PSMF1: variants seen among roughly 807,000 people sequenced by gnomAD.
PSMF1 encodes proteasome inhibitor subunit 1.
PSMF1 carries 30 observed loss-of-function variants against 29.3 expected under a neutral mutation model. The observed-to-expected ratio is 1.02, with a 90% CI of 0.77 to 1.39. The LOEUF is 1.39. PSMF1 is among the 40% of genes most tolerant of loss of function. PSMF1 has a pLI of 0.00. For synonymous variants in PSMF1, 134 were observed against 139.7 expected (o/e 0.96, Z 0.29); for missense variants, 344 against 357.5 (o/e 0.96, Z 0.31).
intron 4 of PSMF1, among the ~76,000 whole-genome samples, chr20:1,155,956 C>G (rs548140852): frequency 4.6e-5 from 7 of 152,228 alleles, no homozygotes; most frequent in African/African-American, 1.7e-4. Context: ...ATTAAGATGA[C>G]ACAGATGTTG....
chr20:1,157,236 C>T (rs908650502), intron 4 of PSMF1, among the ~76,000 whole-genome samples: 7 of 152,172 alleles, frequency 4.6e-5, no homozygotes, highest in Non-Finnish European at 7.3e-5. Flanking sequence ...AGCCCACTGA[C>T]TCAAATGTTC....
chr20:1,125,361 TG>T, intron 1 of PSMF1, 136 bp from the exon 2 acceptor site: 2 of 928,740 alleles, frequency 2.2e-6, no homozygotes, highest in Non-Finnish European at 3.1e-6. Context: ...TGTAGGATCT[TG>T]GGCAAGTCAT....
intron 4 of PSMF1, among the ~76,000 whole-genome samples, chr20:1,145,377 A>G (rs552597688): frequency 5.3e-5 from 8 of 152,256 alleles, no homozygotes; most frequent in African/African-American, 1.7e-4. Context: ...GGGATGAGCA[A>G]TGGACTGGGA....
At chr20:1,139,456 T>C (rs2086352424) in intron 4 of PSMF1, among the ~76,000 whole-genome samples, 2 of 152,190 alleles carry the variant, frequency 1.3e-5, no homozygotes. Flanking sequence ...TATTTGTCAA[T>C]GACGTGATAT....
chr20:1,157,457 T>C (rs2086607842), intron 4 of PSMF1, among the ~76,000 whole-genome samples: 1 of 152,178 alleles, frequency 6.6e-6, no homozygotes, highest in African/African-American at 2.4e-5. Context: ...TTCGTACAAC[T>C]AGAAACTCAC....
chr20:1,159,069 A>G (rs1568482097), intron 4 of PSMF1, among the ~76,000 whole-genome samples: 1 of 135,952 alleles, frequency 7.4e-6, no homozygotes, highest in Non-Finnish European at 1.6e-5. Context: ...AAAAAAAAAA[A>G]AAGAAGAAGT....
At position 1,163,294 on chromosome 20, in the gene PSMF1, G is replaced by A. The variant is rs1050107291; in HGVS notation, c.605+111G>A. ...GGTCAGTCTCTTCCTTTGGGGTGGA[G>A]GAGGCAGTTGTTGCTGAGCAGCTGA... On this transcript the variant is annotated intron_variant, in intron 5 of 6. Transcript: ENST00000335877. The surrounding 1 kb of genome is among the most constrained non-coding windows in gnomAD (Gnocchi z 6.1). 2 of 1,241,476 alleles carry A rather than the reference G, an allele frequency of 1.6e-6. No individual in the cohort carries two copies. The highest frequency in any genetic ancestry group is 1.5e-5 in the African/African-American group (1 of 66,800). 76.9% of individuals were successfully genotyped at this position (1,241,476 alleles called of 1,614,324 possible).
rs529153910 is a variant in PSMF1 at position 1,134,419 on chromosome 20, G to C, written c.366-702G>C. 2.0e-4 allele frequency among the ~76,000 whole-genome samples: 30 copies of C among 152,192 alleles called. 1 individual carries two copies. The East Asian group carries it at 5.2e-3, about 26-fold the overall frequency. ...TTGATTTCTGTTATGATTCCATATG[G>C]TTGGAGAACATACTTTATATGATTT... On this transcript the variant is annotated intron_variant, in intron 3 of 6. Coordinates refer to ENST00000335877, the MANE Select transcript of PSMF1 (RefSeq NM_006814.5).
rs895123721 is a variant in PSMF1 at position 1,165,026 on chromosome 20, C to T, written c.765-3C>T. 1.2e-6 allele frequency: 2 copies of T among 1,613,086 alleles called. No individual in the cohort carries two copies. Among genetic ancestry groups the T allele is most frequent in the African/African-American group, 1.3e-5 (1 of 74,980 alleles). ...AACTCATCAGCCCCTCTTTCCATTC[C>T]AGACCTAACCCAGACCATCTCCCCC... is the stretch of plus-strand genomic sequence containing the variant. On this transcript the variant is annotated splice_region_variant and splice_polypyrimidine_tract_variant and intron_variant, in intron 6 of 6. Coordinates refer to ENST00000335877, the MANE Select transcript of PSMF1 (RefSeq NM_006814.5).
rs760900451 is a variant in PSMF1, at chr20:1,166,245, C to G, written c.*1165C>G. 1 of 1,612,418 alleles carries G rather than the reference C, an allele frequency of 6.2e-7. No individual in the cohort carries two copies. Among genetic ancestry groups the G allele is most frequent in the East Asian group, 2.2e-5 (1 of 44,866 alleles). ...TTTTCAGCCCGAGGCCTGACAGACG[C>G]GGGCAGTGATGAGCCCTGTTCTGGA... is the stretch of plus-strand genomic sequence containing the variant. On this transcript the variant is annotated 3_prime_UTR_variant, in exon 7 of 7. Coordinates refer to ENST00000335877, the MANE Select transcript of PSMF1 (RefSeq NM_006814.5).
At chr20:1,136,595 A>G (rs1166480159) in intron 4 of PSMF1, among the ~76,000 whole-genome samples, 2 of 152,262 alleles carry the variant, frequency 1.3e-5, no homozygotes, top group Non-Finnish European at 1.5e-5. Context: ...AGTCCTAACT[A>G]TAACATAAAT....
chr20:1,113,709 T>C (rs1213077050), upstream of PSMF1, among the ~76,000 whole-genome samples: 2 of 152,252 alleles, frequency 1.3e-5, no homozygotes, highest in African/African-American at 4.8e-5. Context: ...TTTGGTTTTT[T>C]TGAGACGGCG....
chr20:1,136,173 T>C (rs2086303506), intron 4 of PSMF1, among the ~76,000 whole-genome samples: 1 of 152,178 alleles, frequency 6.6e-6, no homozygotes, highest in African/African-American at 2.4e-5. Flanking sequence ...GTGAAGAGAA[T>C]GGAGAATAAG....
rs1423034863 is a variant in PSMF1, at chr20:1,135,191, T to A, written c.436T>A (p.Trp146Arg). The A allele has an allele frequency of 4.3e-6, 7 of 1,613,910 alleles. No individual in the cohort carries two copies. The highest frequency in any genetic ancestry group is 1.7e-5 in the Admixed American group (1 of 59,990). ...SGIITPIHEQ[W>R]EKANVSSPHR... ...AATCATCACACCTATCCATGAGCAGTGGGAAAAGGCTAATGTAAGCAGTCC... is the reference window on the plus strand; with the variant it reads ...AATCATCACACCTATCCATGAGCAGAGGGAAAAGGCTAATGTAAGCAGTCC... Residue 146 changes from tryptophan to arginine, a missense_variant, in exon 4 of 7, where the codon TGG becomes AGG. Trp to Arg is a moderately radical substitution (Grantham distance 101, BLOSUM62 -3). Coordinates refer to ENST00000335877, the MANE Select transcript of PSMF1 (RefSeq NM_006814.5).
In PSMF1 at chr20:1,163,276, C is replaced by G. The variant is rs939834525; in HGVS notation, c.605+93C>G. ...TCTAATTTTAGAGTTTTCGGTCAGT[C>G]TCTTCCTTTGGGGTGGAGGAGGCAG... On this transcript the variant is annotated intron_variant, in intron 5 of 6. Transcript: ENST00000335877. This position sits in a 1 kb window ranked among gnomAD's most constrained non-coding sequence, Gnocchi z 6.1. 2.9e-5 allele frequency: 42 copies of G among 1,426,694 alleles called. No homozygotes were observed. The highest frequency in any genetic ancestry group is 2.8e-4 in the South Asian group (23 of 83,302). The allele number at this position is 1,426,694 out of a possible 1,614,324, so 88.4% of individuals were successfully genotyped here.
intron 4 of PSMF1, chr20:1,161,358 C>T: frequency 2.9e-6 from 1 of 343,036 alleles, no homozygotes; most frequent in South Asian, 4.8e-5. Flanking sequence ...GGTGTTGTTC[C>T]AGCCCTTCTT....
intron 3 of PSMF1, among the ~76,000 whole-genome samples, chr20:1,129,870 C>A (rs1348798396): frequency 6.6e-6 from 1 of 152,208 alleles, no homozygotes; most frequent in Non-Finnish European, 1.5e-5. Flanking sequence ...TATTTGTACA[C>A]CCATGTTCGT....
intron 4 of PSMF1, among the ~76,000 whole-genome samples, chr20:1,142,540 A>G (rs904144773): frequency 6.6e-6 from 1 of 151,862 alleles, no homozygotes. Flanking sequence ...TTGCCCTTGC[A>G]ATAGTTTGCT....
intron 4 of PSMF1, among the ~76,000 whole-genome samples, chr20:1,145,044 C>T (rs1328497158): frequency 6.6e-6 from 1 of 152,110 alleles, no homozygotes; most frequent in Admixed American, 6.5e-5. Flanking sequence ...TGCCACCACA[C>T]CCAGCTCATT....
Sources: gnomAD v4.1 joint callset for allele counts (sites outside exome capture counted in the v4.1 genomes callset) on GRCh38, gnomAD v4.1.1 for gene constraint, Gnocchi (gnomAD v3.1) non-coding constraint, MANE v1.5 for transcripts, NCBI Gene and HGNC (gene_info 2026-07-23, HGNC 2026-07-21) for gene names.